The following PPP2R5E variants were observed in gnomAD, a reference collection of about 807,000 sequenced individuals.
The protein encoded by PPP2R5E is protein phosphatase 2 regulatory subunit B'epsilon, also known as serine/threonine-protein phosphatase 2A 56 kDa regulatory subunit epsilon isoform.
A neutral mutation model predicts 65.3 loss-of-function variants in PPP2R5E; 4 were observed. That is an observed-to-expected ratio of 0.06 (90% confidence interval 0.03 to 0.14). The LOEUF is 0.14. Among genes scored for constraint, PPP2R5E ranks in the 10% least tolerant of loss-of-function variants. The probability of loss-of-function intolerance (pLI) is 1.00; values close to 1 mark genes in which losing one functional copy is unlikely to be tolerated. For synonymous variants in PPP2R5E, 183 were observed against 187.4 expected, an observed-to-expected ratio of 0.98 and a Z score of 0.19; for missense variants, 274 against 556.1, an observed-to-expected ratio of 0.49 and a Z score of 5.10.
chr14:63,439,600 C>T (rs1048845000), intron 3 of PPP2R5E, among the ~76,000 whole-genome samples: 3 of 152,154 alleles, frequency 2.0e-5, no homozygotes, highest in Non-Finnish European at 4.4e-5. Context: ...TCTCGAACTC[C>T]GGACCTCAGG....
At chr14:63,473,352 T>C (rs758841502) in intron 2 of PPP2R5E, among the ~76,000 whole-genome samples, 1 of 152,084 alleles carries the variant, frequency 6.6e-6, no homozygotes, top group African/African-American at 2.4e-5. Context: ...ATAAGCTCAA[T>C]GACTGAGTAA....
chr14:63,472,967 C>T (rs78989754), intron 2 of PPP2R5E, among the ~76,000 whole-genome samples: 3,508 of 152,146 alleles, frequency 0.023, 115 homozygotes, highest in East Asian at 0.11. Context: ...GTCATCAGAA[C>T]CAAGTATGAA....
chr14:63,495,809 G>A (rs1035851092), intron 2 of PPP2R5E, among the ~76,000 whole-genome samples: 6 of 151,822 alleles, frequency 4.0e-5, no homozygotes, highest in African/African-American at 9.7e-5. Context: ...TCCTGCCTCA[G>A]CCTCCCAAGT....
chr14:63,468,919 C>A (rs1889973767), intron 2 of PPP2R5E, among the ~76,000 whole-genome samples: 4 of 152,176 alleles, frequency 2.6e-5, no homozygotes, highest in Admixed American at 2.6e-4. Flanking sequence ...TTTCCCCACA[C>A]ACTCTGTTAT....
At position 63,491,478 on chromosome 14, in the gene PPP2R5E, T is replaced by C. The variant is rs536702782; in HGVS notation, c.158-37593A>G. On this transcript the variant is annotated intron_variant, in intron 2 of 13. Coordinates refer to ENST00000337537, the MANE Select transcript of PPP2R5E (RefSeq NM_006246.5). Reference sequence around the variant, plus strand: ...TAGTGTGAAAAAAAGAATCTAAAAATAGCTCATTTTTATATTGGTTACATG... The same window carrying C: ...TAGTGTGAAAAAAAGAATCTAAAAACAGCTCATTTTTATATTGGTTACATG... Among the ~76,000 whole-genome samples the C allele has an allele frequency of 3.9e-5, 6 of 152,220 alleles. No homozygotes were observed. In the South Asian group the frequency reaches 1.2e-3, roughly 32 times the overall value.
chr14:63,443,035 A>G (rs1888312736), intron 3 of PPP2R5E, among the ~76,000 whole-genome samples: 1 of 152,214 alleles, frequency 6.6e-6, no homozygotes, highest in Admixed American at 6.5e-5. Flanking sequence ...TTGCAACTTC[A>G]TAATTTTCTA....
chr14:63,509,300 G>T (rs1412748242), intron 2 of PPP2R5E, among the ~76,000 whole-genome samples: 1 of 130,994 alleles, frequency 7.6e-6, no homozygotes, highest in African/African-American at 3.1e-5. Flanking sequence ...TTTGAAACAG[G>T]GTCTTGCTCT....
intron 4 of PPP2R5E, among the ~76,000 whole-genome samples, chr14:63,421,052 CAAAAAAAAAAAAAAAAAAAAAAAAAAA>C (rs56297942): frequency 9.7e-5 from 1 of 10,292 alleles, no homozygotes; most frequent in African/African-American, 5.8e-4. Flanking sequence ...GACTCCGTCT[CAAAAAAAAAAAAAAAAAAAAAAAAAAA>C]AAAAAAAAAA....
At chr14:63,478,661 G>C (rs868604243) in intron 2 of PPP2R5E, among the ~76,000 whole-genome samples, 2 of 152,204 alleles carry the variant, frequency 1.3e-5, no homozygotes, top group South Asian at 4.2e-4. Context: ...ACAGACCCCT[G>C]AAAAGGTCTC....
chr14:63,522,179 C>T (rs1305803678), intron 2 of PPP2R5E, among the ~76,000 whole-genome samples: 4 of 152,246 alleles, frequency 2.6e-5, no homozygotes, highest in Admixed American at 6.5e-5. Context: ...CTCCTAACCG[C>T]GAGTGATCCA....
At position 63,415,390 on chromosome 14, in the gene PPP2R5E, GC is replaced by G. The variant is rs373382554; in HGVS notation, c.457-159del. Among the ~76,000 whole-genome samples the G allele has an allele frequency of 2.2e-4, 34 of 152,190 alleles. No homozygotes were observed. The South Asian group carries it at 7.0e-3, about 32-fold the overall frequency. On this transcript the variant is annotated intron_variant, in intron 4 of 13. Transcript: ENST00000337537. ...CCAGCCTTTCTTGTGGCTCACAGTT[GC>G]TGTTATGCTTTCAACTTTTAAAATT...
intron 13 of PPP2R5E, among the ~76,000 whole-genome samples, chr14:63,379,689 T>C (rs1239767880): frequency 6.6e-6 from 1 of 152,168 alleles, no homozygotes; most frequent in East Asian, 1.9e-4. Context: ...CTGGTCCCCT[T>C]AGTTAATTCT....
chr14:63,474,149 G>A (rs73274690), intron 2 of PPP2R5E, among the ~76,000 whole-genome samples: 4,443 of 152,318 alleles, frequency 0.029, 192 homozygotes, highest in African/African-American at 0.097. Flanking sequence ...TGGAGACAAA[G>A]TGGACAAATT....
In PPP2R5E at chr14:63,377,317, G is replaced by A. The variant is rs538090416; in HGVS notation, c.1305-1209C>T. Among the ~76,000 whole-genome samples, 31 of 152,236 alleles carry A rather than the reference G, an allele frequency of 2.0e-4. 1 individual carries two copies. Among genetic ancestry groups the A allele is most frequent in the South Asian group, 6.2e-4 (3 of 4,826 alleles). On this transcript the variant is annotated intron_variant, in intron 13 of 13. Coordinates refer to ENST00000337537, the MANE Select transcript of PPP2R5E (RefSeq NM_006246.5). ...ACTTCAGCCACAGTACAATTTCTAC[G>A]CAGGGAAATCCACATGGGTTGAGTG...
intron 3 of PPP2R5E, among the ~76,000 whole-genome samples, chr14:63,447,495 G>A (rs1249462698): frequency 6.6e-6 from 1 of 152,202 alleles, no homozygotes; most frequent in East Asian, 1.9e-4. Context: ...ACTGAAGAGA[G>A]CCAAGGCCTT....
intron 5 of PPP2R5E, among the ~76,000 whole-genome samples, chr14:63,397,502 T>TTAAAAAAA (rs1885470215): frequency 1.6e-5 from 1 of 62,294 alleles, no homozygotes; most frequent in Non-Finnish European, 3.0e-5. Flanking sequence ...ATTCGGTCTT[T>TTAAAAAAA]AAAAAAAAAA....
chr14:63,379,214 G>A (rs536538594), intron 13 of PPP2R5E, among the ~76,000 whole-genome samples: 1 of 151,866 alleles, frequency 6.6e-6, no homozygotes, highest in Non-Finnish European at 1.5e-5. Flanking sequence ...AGTTTTAGTA[G>A]AGACGGGGTT....
At chr14:63,486,274 C>T (rs1161555460) in intron 2 of PPP2R5E, among the ~76,000 whole-genome samples, 1 of 143,662 alleles carries the variant, frequency 7.0e-6, no homozygotes, top group Non-Finnish European at 1.5e-5. Context: ...CCCGACCCCA[C>T]CCATCTTTCT....
intron 2 of PPP2R5E, among the ~76,000 whole-genome samples, chr14:63,471,844 C>A (rs1890150696): frequency 6.6e-6 from 1 of 152,158 alleles, no homozygotes; most frequent in African/African-American, 2.4e-5. Flanking sequence ...ACTGGAGGGA[C>A]CATCTGGAAG....
Sources: allele counts gnomAD v4.1 joint callset (sites outside exome capture counted in the v4.1 genomes callset), GRCh38; gene constraint gnomAD v4.1.1; transcripts MANE v1.5; gene names NCBI Gene and HGNC (gene_info 2026-07-23, HGNC 2026-07-21).